ZCWPW2: variants seen among roughly 807,000 people sequenced by gnomAD.
ZCWPW2 encodes zinc finger CW-type PWWP domain protein 2.
Under a neutral mutation model 46.6 loss-of-function variants are expected in ZCWPW2, and 45 were observed. The observed-to-expected ratio is 0.96, with a 90% CI of 0.76 to 1.24. The LOEUF is 1.24. ZCWPW2 is among the 50% of genes most tolerant of loss of function. ZCWPW2 has a pLI of 0.00. For synonymous variants in ZCWPW2, 152 were observed against 137.1 expected (o/e 1.11, Z -0.76); for missense variants, 429 against 403.9 (o/e 1.06, Z -0.53).
chr3:28,404,445 C>G (rs1696076755), intron 2 of ZCWPW2, among the ~76,000 whole-genome samples: 1 of 152,112 alleles, frequency 6.6e-6, no homozygotes, highest in African/African-American at 2.4e-5. Context: ...ACTAGTACAA[C>G]CACTGTGGAA....
intron 2 of ZCWPW2, among the ~76,000 whole-genome samples, chr3:28,407,128 G>A (rs906323306): frequency 2.0e-5 from 3 of 152,130 alleles, no homozygotes; most frequent in Non-Finnish European, 4.4e-5. Flanking sequence ...CACCTGGCGA[G>A]TTTCCTCCTA....
At chr3:28,499,035 T>C (rs1401444490) in intron 6 of ZCWPW2, among the ~76,000 whole-genome samples, 1 of 152,184 alleles carries the variant, frequency 6.6e-6, no homozygotes, top group Non-Finnish European at 1.5e-5. Flanking sequence ...ATTTTCTTTA[T>C]CCATTCTATC....
chr3:28,361,529 A>G (rs536550537), intron 1 of ZCWPW2, among the ~76,000 whole-genome samples: 1 of 152,160 alleles, frequency 6.6e-6, no homozygotes, highest in Non-Finnish European at 1.5e-5. Flanking sequence ...GCAAAAATAA[A>G]CAAGTGGGAC....
intron 3 of ZCWPW2, among the ~76,000 whole-genome samples, chr3:28,420,264 T>C (rs1027005294): frequency 1.3e-5 from 2 of 152,158 alleles, no homozygotes; most frequent in African/African-American, 4.8e-5. Context: ...CTGCTTTCTC[T>C]TGTGGGCATT....
intron 3 of ZCWPW2, among the ~76,000 whole-genome samples, chr3:28,417,216 A>T (rs905802933): frequency 1.3e-5 from 2 of 152,134 alleles, no homozygotes; most frequent in Non-Finnish European, 2.9e-5. Flanking sequence ...ACAAACTACC[A>T]TCAGAGAATA....
intron 4 of ZCWPW2, among the ~76,000 whole-genome samples, chr3:28,477,747 G>C (rs943694406): frequency 6.6e-6 from 1 of 151,900 alleles, no homozygotes; most frequent in Admixed American, 6.6e-5. Flanking sequence ...ACATCTGAGA[G>C]AAAAATATAA....
At chr3:28,474,578 A>G (rs961443992) in intron 4 of ZCWPW2, among the ~76,000 whole-genome samples, 2 of 141,334 alleles carry the variant, frequency 1.4e-5, no homozygotes, top group African/African-American at 5.3e-5. Flanking sequence ...TCTTGCCTTT[A>G]AATACAGCGT....
chr3:28,375,790 G>C (rs184094170), intron 1 of ZCWPW2, among the ~76,000 whole-genome samples: 1 of 146,804 alleles, frequency 6.8e-6, no homozygotes, highest in Admixed American at 6.8e-5. Context: ...ACCATCCCCC[G>C]TCTACTGTTC....
chr3:28,461,040 A>G lies in ZCWPW2; in HGVS notation c.493-17774A>G, dbSNP rs143113747. ...GAAATAATTTAAAGTAATGATCAAT[A>G]TTTGAAATCATACCAATGAATTTTT... is the stretch of plus-strand genomic sequence containing the variant. On this transcript the variant is annotated intron_variant, in intron 4 of 9. Transcript: ENST00000383768. 1.8e-4 allele frequency: 44 copies of G among 241,620 alleles called. No individual in the cohort carries two copies. The East Asian group carries it at 4.3e-3, about 24-fold the overall frequency. 15.0% of individuals were successfully genotyped at this position (241,620 alleles called of 1,614,324 possible).
At chr3:28,483,783 G>A (rs749035104) in intron 5 of ZCWPW2, among the ~76,000 whole-genome samples, 1 of 151,952 alleles carries the variant, frequency 6.6e-6, no homozygotes, top group African/African-American at 2.4e-5. Context: ...AATTCTACTT[G>A]TTTGGTACTA....
chr3:28,509,798 G>C (rs528549207), intron 6 of ZCWPW2, among the ~76,000 whole-genome samples: 1 of 151,830 alleles, frequency 6.6e-6, no homozygotes, highest in African/African-American at 2.4e-5. Context: ...GATTGTGTCC[G>C]TTAAAATCAC....
chr3:28,375,885 A>G (rs1241848736), intron 1 of ZCWPW2, among the ~76,000 whole-genome samples: 1 of 152,128 alleles, frequency 6.6e-6, no homozygotes, highest in African/African-American at 2.4e-5. Context: ...AAGTAAAAAC[A>G]TGAAATGTTT....
intron 7 of ZCWPW2, 119 bp downstream of exon 7, chr3:28,514,241 T>A: frequency 8.0e-6 from 5 of 621,184 alleles, no homozygotes; most frequent in Non-Finnish European, 1.2e-5. Context: ...AACCACTGCA[T>A]AGTCAGGGCA....
chr3:28,405,489 T>G (rs377331786), intron 2 of ZCWPW2, among the ~76,000 whole-genome samples: 48 of 152,272 alleles, frequency 3.2e-4, no homozygotes, highest in Middle Eastern at 3.4e-3. Context: ...TTGTTTGTTT[T>G]TTTGAGACAG....
At chr3:28,524,496 A>C in intron 9 of ZCWPW2, 31 bp from the exon 10 acceptor site, 1 of 1,592,024 alleles carries the variant, frequency 6.3e-7, no homozygotes, top group Non-Finnish European at 8.5e-7. Flanking sequence ...AATTTGACAT[A>C]GTTCCGATTA....
intron 2 of ZCWPW2, among the ~76,000 whole-genome samples, chr3:28,407,143 C>A (rs1012647582): frequency 6.6e-6 from 1 of 152,132 alleles, no homozygotes; most frequent in Non-Finnish European, 1.5e-5. Flanking sequence ...CTCCTATGTG[C>A]TCCTTTGCTC....
chr3:28,421,264 G>A (rs1227860943), intron 3 of ZCWPW2, among the ~76,000 whole-genome samples: 2 of 152,034 alleles, frequency 1.3e-5, no homozygotes, highest in Non-Finnish European at 2.9e-5. Flanking sequence ...TTTTATTGTT[G>A]CCAGGTGAAC....
chr3:28,465,061 T>C (rs988476757), intron 4 of ZCWPW2, among the ~76,000 whole-genome samples: 6 of 152,236 alleles, frequency 3.9e-5, no homozygotes, highest in Non-Finnish European at 8.8e-5. Flanking sequence ...AATGTTTCCA[T>C]GCTTTCAAAA....
At chr3:28,457,352 G>A (rs1178182557) in intron 4 of ZCWPW2, among the ~76,000 whole-genome samples, 1 of 152,094 alleles carries the variant, frequency 6.6e-6, no homozygotes, top group Admixed American at 6.5e-5. Context: ...CACAACTAGA[G>A]TTTCACCTTA....
Sources: allele counts gnomAD v4.1 joint callset (sites outside exome capture counted in the v4.1 genomes callset), GRCh38; gene constraint gnomAD v4.1.1; transcripts MANE v1.5; gene names NCBI Gene and HGNC (gene_info 2026-07-23, HGNC 2026-07-21).